ATG5: variants seen among roughly 807,000 people sequenced by gnomAD.
The protein encoded by ATG5 is autophagy related 5.
ATG5 carries 14 observed loss-of-function variants against 36.5 expected under a neutral mutation model. That is an observed-to-expected ratio of 0.38 (90% CI 0.25 to 0.60). The LOEUF (loss-of-function observed/expected upper bound fraction) is 0.60, where lower values mean the gene tolerates loss of function less well. Among genes scored for constraint, ATG5 ranks in the 20% least tolerant of loss-of-function variants. The pLI, the probability that ATG5 is intolerant of heterozygous loss-of-function variation, is 0.60. For synonymous variants in ATG5, 95 were observed against 101.5 expected (o/e 0.94, Z 0.38); for missense variants, 195 against 326.7 (o/e 0.60, Z 3.11).
At chr6:106,231,817 A>C (rs771390259) in intron 6 of ATG5, among the ~76,000 whole-genome samples, 7 of 152,182 alleles carry the variant, frequency 4.6e-5, no homozygotes, top group Non-Finnish European at 1.0e-4. Flanking sequence ...CAGGATGAGC[A>C]GGCAGAATGG....
rs1775709833 is a variant in ATG5, at chr6:106,184,918, A to T, written c.*1622T>A. ...ACTCTTAATGTGAACAATCATATTCAGACCAGCCTCTTGTGCAAAAATACA... is the reference window on the plus strand; with the variant it reads ...ACTCTTAATGTGAACAATCATATTCTGACCAGCCTCTTGTGCAAAAATACA... On this transcript the variant is annotated 3_prime_UTR_variant, in exon 8 of 8. Transcript: ENST00000369076. 6.6e-6 allele frequency: 1 copy of T among 152,380 alleles called. No homozygotes were observed. The highest frequency in any genetic ancestry group is 1.5e-5 in the Non-Finnish European group (1 of 68,028). The allele number at this position is 152,380 out of a possible 1,614,324, so 9.4% of individuals were successfully genotyped here. A position where few individuals can be genotyped will look rare whatever the true frequency, so the allele number is the denominator to read the frequency against.
intron 7 of ATG5, among the ~76,000 whole-genome samples, chr6:106,193,909 G>T (rs1776071684): frequency 6.6e-6 from 1 of 152,126 alleles, no homozygotes; most frequent in Admixed American, 6.6e-5. Context: ...AGAGAATTTT[G>T]TTTTCTAGTG....
At chr6:106,208,738 C>T (rs1006514853) in intron 6 of ATG5, among the ~76,000 whole-genome samples, 9 of 152,174 alleles carry the variant, frequency 5.9e-5, no homozygotes, top group African/African-American at 1.9e-4. Flanking sequence ...AAAACATAAG[C>T]CGCAGGCTGG....
At chr6:106,302,775 AT>A (rs1770270999) in intron 3 of ATG5, among the ~76,000 whole-genome samples, 1 of 152,062 alleles carries the variant, frequency 6.6e-6, no homozygotes, top group African/African-American at 2.4e-5. Context: ...AATTAAACAC[AT>A]TTCTAAAAAA....
At chr6:106,197,114 G>A (rs1267216726) in intron 7 of ATG5, among the ~76,000 whole-genome samples, 2 of 152,092 alleles carry the variant, frequency 1.3e-5, no homozygotes, top group African/African-American at 4.8e-5. Context: ...CAAAGTTTTG[G>A]GTTTCATTGC....
At chr6:106,191,688 C>T (rs577465462) in intron 7 of ATG5, among the ~76,000 whole-genome samples, 15 of 152,182 alleles carry the variant, frequency 9.9e-5, no homozygotes, top group African/African-American at 3.6e-4. Context: ...ACACGAGTGA[C>T]TCTTCTCCAC....
intron 2 of ATG5, among the ~76,000 whole-genome samples, chr6:106,314,687 G>C (rs1770773621): frequency 6.6e-6 from 1 of 151,548 alleles, no homozygotes; most frequent in South Asian, 2.1e-4. Flanking sequence ...GCCAATGAAG[G>C]TTAAAAGTTG....
chr6:106,202,085 G>C lies in ATG5; in HGVS notation c.578C>G (p.Thr193Arg). Reference sequence around the variant, plus strand: ...CTTCTGAATGAAAGGTCTTTCAGTCGTTGTCTATTTGAAAAAGGAAAAAAT... The same window carrying C: ...CTTCTGAATGAAAGGTCTTTCAGTCCTTGTCTATTTGAAAAAGGAAAAAAT... ...RYIPFRIYQT[T>R]TERPFIQKLF... The change falls in exon 7 of 8, where the codon ACG becomes AGG. Residue 193 changes from threonine to arginine, a missense_variant. Physicochemically the swap from Thr to Arg is moderately conservative, Grantham distance 71. Transcript: ENST00000369076. 6.2e-7 allele frequency: 1 copy of C among 1,612,606 alleles called. No homozygotes were observed. Among genetic ancestry groups the C allele is most frequent in the Non-Finnish European group, 8.5e-7 (1 of 1,179,100 alleles).
intron 2 of ATG5, among the ~76,000 whole-genome samples, chr6:106,309,645 C>A (rs1291950202): frequency 6.6e-6 from 1 of 152,078 alleles, no homozygotes; most frequent in African/African-American, 2.4e-5. Context: ...ATTATCGCCC[C>A]TGTTTTAAAT....
chr6:106,276,198 C>T lies in ATG5; in HGVS notation c.478+3463G>A, dbSNP rs967471828. Among the ~76,000 whole-genome samples the T allele has an allele frequency of 2.0e-5, 3 of 152,350 alleles. No individual in the cohort carries two copies. In the South Asian group the frequency reaches 6.2e-4, roughly 32 times the overall value. On this transcript the variant is annotated intron_variant, in intron 5 of 7. Transcript: ENST00000369076. ...TAAGAAACTGGGCCGGGCGCGGTGG[C>T]TCACGCCTGTAATCCCAGCACTTTG...
intron 5 of ATG5, among the ~76,000 whole-genome samples, chr6:106,258,569 T>C (rs754277925): frequency 1.3e-5 from 2 of 152,182 alleles, no homozygotes; most frequent in Non-Finnish European, 2.9e-5. Context: ...CTTACTGATA[T>C]AGCTCTCCTC....
intron 3 of ATG5, among the ~76,000 whole-genome samples, chr6:106,304,459 G>C (rs1770352211): frequency 6.6e-6 from 1 of 152,106 alleles, no homozygotes; most frequent in Non-Finnish European, 1.5e-5. Flanking sequence ...TAAACAATTT[G>C]TGGTATAACC....
intron 6 of ATG5, among the ~76,000 whole-genome samples, chr6:106,222,541 C>T (rs1777289432): frequency 6.6e-6 from 1 of 152,068 alleles, no homozygotes; most frequent in Non-Finnish European, 1.5e-5. Flanking sequence ...GGACTGAGGG[C>T]AGTAAGCAAC....
At chr6:106,297,223 T>TA (rs1769991890) in intron 3 of ATG5, among the ~76,000 whole-genome samples, 2 of 152,136 alleles carry the variant, frequency 1.3e-5, no homozygotes, top group South Asian at 4.1e-4. Context: ...TTCTTTTTAC[T>TA]AAAAGAACAT....
At chr6:106,199,842 G>A (rs1691717343) in intron 7 of ATG5, among the ~76,000 whole-genome samples, 1 of 152,090 alleles carries the variant, frequency 6.6e-6, no homozygotes, top group Non-Finnish European at 1.5e-5. Flanking sequence ...GGATTGTTTG[G>A]CAAACATTTA....
At chr6:106,293,238 T>A (rs532236539) in intron 3 of ATG5, 132 bp from the exon 4 acceptor site, 1 of 726,566 alleles carries the variant, frequency 1.4e-6, no homozygotes, top group Admixed American at 2.4e-5. Context: ...GAAGACTACA[T>A]TCTACAGTTA....
intron 7 of ATG5, among the ~76,000 whole-genome samples, chr6:106,199,996 G>C (rs1368862423): frequency 6.6e-6 from 1 of 152,108 alleles, no homozygotes; most frequent in East Asian, 1.9e-4. Context: ...GGTAGTCAGT[G>C]GTCTCTTCCT....
chr6:106,230,079 T>C (rs1283583291), intron 6 of ATG5, among the ~76,000 whole-genome samples: 1 of 152,202 alleles, frequency 6.6e-6, no homozygotes, highest in African/African-American at 2.4e-5. Flanking sequence ...GACAGGATGA[T>C]AGATGGTTCC....
chr6:106,248,361 A>G, intron 5 of ATG5, 117 bp from the exon 6 acceptor site: 1 of 593,572 alleles, frequency 1.7e-6, no homozygotes. Context: ...GACATCACAT[A>G]TATTTTCTTA....
Sources: allele counts gnomAD v4.1 joint callset (sites outside exome capture counted in the v4.1 genomes callset), GRCh38; gene constraint gnomAD v4.1.1; transcripts MANE v1.5; gene names NCBI Gene and HGNC (gene_info 2026-07-23, HGNC 2026-07-21).